Variants in DGKI observed in about 807,000 individuals in gnomAD.
The protein encoded by DGKI is diacylglycerol kinase iota, also known as DAG kinase iota.
In DGKI, 55 loss-of-function variants were observed where a neutral mutation model predicts 147.5. The ratio of observed to expected loss-of-function variants is 0.37; its 90% CI spans 0.30 to 0.47. The LOEUF (loss-of-function observed/expected upper bound fraction) is 0.47. Ranked by LOEUF, DGKI falls within the 20% of genes least tolerant of loss-of-function variation. The probability of loss-of-function intolerance (pLI) is 1.00; values close to 1 mark genes in which losing one functional copy is unlikely to be tolerated. For synonymous variants in DGKI, 469 were observed against 477.1 expected (o/e 0.98, Z 0.22); for missense variants, 1,007 against 1,323.8 (o/e 0.76, Z 3.71).
chr7:137,625,407 C>T (rs1021750248), intron 6 of DGKI, among the ~76,000 whole-genome samples: 7 of 151,882 alleles, frequency 4.6e-5, no homozygotes, highest in Admixed American at 3.9e-4. Context: ...TGGCAGTGAG[C>T]CAAAATCGTG....
intron 3 of DGKI, among the ~76,000 whole-genome samples, chr7:137,674,970 G>A (rs778777222): frequency 8.5e-5 from 13 of 152,140 alleles, no homozygotes; most frequent in Admixed American, 3.9e-4. Context: ...CTTTGTTTAG[G>A]AGCCTGCAGG....
intron 12 of DGKI, among the ~76,000 whole-genome samples, chr7:137,588,475 C>CTTTTTTTTTTTTTTTTT (rs71533759): frequency 3.4e-5 from 4 of 116,692 alleles, no homozygotes; most frequent in African/African-American, 1.1e-4. Context: ...CATACCGATG[C>CTTTTTTTTTTTTTTTTT]TTTTTTTTTT....
chr7:137,685,806 A>G (rs1300039004), intron 2 of DGKI, among the ~76,000 whole-genome samples: 2 of 152,204 alleles, frequency 1.3e-5, no homozygotes, highest in Non-Finnish European at 2.9e-5. Flanking sequence ...AACACAATGC[A>G]TTGAATTAGG....
intron 1 of DGKI, among the ~76,000 whole-genome samples, chr7:137,830,424 G>T (rs780229409): frequency 4.6e-5 from 7 of 152,196 alleles, no homozygotes; most frequent in Non-Finnish European, 1.0e-4. Context: ...GAGTGCAAGA[G>T]AATTTTTGTA....
intron 20 of DGKI, among the ~76,000 whole-genome samples, chr7:137,530,976 T>C (rs1817318496): frequency 6.6e-6 from 1 of 152,142 alleles, no homozygotes; most frequent in African/African-American, 2.4e-5. Flanking sequence ...TCTGCCCTGA[T>C]ATTGGTGAAC....
At chr7:137,748,478 C>T (rs529476495) in intron 1 of DGKI, among the ~76,000 whole-genome samples, 22 of 151,910 alleles carry the variant, frequency 1.4e-4, no homozygotes, top group East Asian at 7.7e-4. Flanking sequence ...TTGAAGGAAA[C>T]GCACAAAATA....
At chr7:137,462,837 G>A (rs1814500970) in intron 27 of DGKI, among the ~76,000 whole-genome samples, 1 of 152,186 alleles carries the variant, frequency 6.6e-6, no homozygotes, top group African/African-American at 2.4e-5. Context: ...GGAGATGATA[G>A]GGAGGTGGAT....
chr7:137,545,838 G>A (rs1289616812), intron 20 of DGKI: 6 of 680,818 alleles, frequency 8.8e-6, no homozygotes, highest in Non-Finnish European at 1.3e-5. Context: ...GACACAGGTA[G>A]TCCAACCCTG....
chr7:137,843,938 C>T, intron 1 of DGKI, among the ~76,000 whole-genome samples: 2 of 152,140 alleles, frequency 1.3e-5, no homozygotes, highest in East Asian at 3.9e-4. Context: ...CAGCCATGCT[C>T]CATACCCTAA....
In DGKI at chr7:137,459,561, G is replaced by A. The variant is rs186783409; in HGVS notation, c.2735+3928C>T. Among the ~76,000 whole-genome samples the A allele has an allele frequency of 9.5e-4, 134 of 140,366 alleles. 1 individual carries two copies. The highest frequency in any genetic ancestry group is 3.8e-3 in the East Asian group (17 of 4,518). The allele number at this position is 140,366 out of a possible 152,430, so 92.1% of individuals were successfully genotyped here. A position where few individuals can be genotyped will look rare whatever the true frequency, so the allele number is the denominator to read the frequency against. On this transcript the variant is annotated intron_variant, in intron 27 of 32. Coordinates refer to ENST00000614521, the MANE Select transcript of DGKI (RefSeq NM_001321708.2). ...ACGGTCTTGGCTCACTGCAAGCTCC[G>A]CCTCCCGGGTTCACGCCATTCTCCT...
At chr7:137,529,066 T>C (rs1364016613) in intron 20 of DGKI, among the ~76,000 whole-genome samples, 1 of 152,208 alleles carries the variant, frequency 6.6e-6, no homozygotes, top group Non-Finnish European at 1.5e-5. Flanking sequence ...CAAATGTCAA[T>C]AAATTTTTAT....
At position 137,433,071 on chromosome 7, in the gene DGKI, T is replaced by C. The variant is rs202045689; in HGVS notation, c.2761+11006A>G. 1.2e-4 allele frequency among the ~76,000 whole-genome samples: 19 copies of C among 152,292 alleles called. No individual in the cohort carries two copies. In the East Asian group the frequency reaches 3.3e-3, roughly 26 times the overall value. ...CCAAAATGAACCCAGAAATTGAGGATTGACATAACAAGTCTGGCAAAACAA... is the reference window on the plus strand; with the variant it reads ...CCAAAATGAACCCAGAAATTGAGGACTGACATAACAAGTCTGGCAAAACAA... On this transcript the variant is annotated intron_variant, in intron 28 of 32. Coordinates refer to ENST00000614521, the MANE Select transcript of DGKI (RefSeq NM_001321708.2).
chr7:137,565,889 T>C (rs911141617), intron 19 of DGKI, among the ~76,000 whole-genome samples: 2 of 152,178 alleles, frequency 1.3e-5, no homozygotes, highest in African/African-American at 4.8e-5. Context: ...GTAAAATGAA[T>C]TGAAGACTTC....
chr7:137,515,489 A>G (rs34525125), intron 21 of DGKI, among the ~76,000 whole-genome samples: 7,397 of 152,252 alleles, frequency 0.049, 185 homozygotes, highest in Middle Eastern at 0.085. Context: ...AACAAACCTG[A>G]GTGTGATAAA....
intron 1 of DGKI, among the ~76,000 whole-genome samples, chr7:137,698,458 T>G (rs544634140): frequency 6.6e-6 from 1 of 152,124 alleles, no homozygotes; most frequent in Admixed American, 6.5e-5. Flanking sequence ...TGGAGCTGGA[T>G]TGCCCCAATT....
At chr7:137,686,674 A>G (rs974268788) in intron 2 of DGKI, among the ~76,000 whole-genome samples, 1 of 152,206 alleles carries the variant, frequency 6.6e-6, no homozygotes, top group African/African-American at 2.4e-5. Flanking sequence ...TACCCAAAGC[A>G]TAAAAACTGT....
intron 20 of DGKI, among the ~76,000 whole-genome samples, chr7:137,535,619 G>A (rs541111708): frequency 3.9e-5 from 6 of 152,104 alleles, no homozygotes; most frequent in East Asian, 1.9e-4. Context: ...GTAAATATCC[G>A]CTGCACTTTT....
At chr7:137,536,324 T>C (rs1451202165) in intron 20 of DGKI, among the ~76,000 whole-genome samples, 1 of 152,140 alleles carries the variant, frequency 6.6e-6, no homozygotes, top group African/African-American at 2.4e-5. Flanking sequence ...TAGAAGTTAG[T>C]AGGGTGTTAA....
At chr7:137,440,331 T>C (rs1813449267) in intron 28 of DGKI, among the ~76,000 whole-genome samples, 1 of 152,208 alleles carries the variant, frequency 6.6e-6, no homozygotes, top group Admixed American at 6.5e-5. Context: ...TATGAGAAAA[T>C]GTGACATTGG....
Sources: allele counts gnomAD v4.1 joint callset (sites outside exome capture counted in the v4.1 genomes callset), GRCh38; gene constraint gnomAD v4.1.1; transcripts MANE v1.5; gene names NCBI Gene and HGNC (gene_info 2026-07-23, HGNC 2026-07-21).